Variants in MTR observed in about 807,000 individuals in gnomAD.
MTR encodes the protein 5-methyltetrahydrofolate-homocysteine methyltransferase.
In MTR, 84 loss-of-function variants were observed where a neutral mutation model predicts 154.8. The ratio of observed to expected loss-of-function variants is 0.54; its 90% CI spans 0.45 to 0.65. MTR has a LOEUF of 0.65. Among genes scored for constraint, MTR ranks in the 30% least tolerant of loss-of-function variants. The pLI is 0.00. For missense variants in MTR, 1,275 were observed against 1,570.2 expected (o/e 0.81, Z 3.18); for synonymous variants, 554 against 553.9 (o/e 1.00, Z 0.00).
rs1175134509 is a variant in MTR at position 236,899,683 on chromosome 1, TG to T, written c.*2040del. 6.6e-6 allele frequency: 1 copy of T among 152,186 alleles called. No homozygotes were observed. Among genetic ancestry groups the T allele is most frequent in the East Asian group, 1.9e-4 (1 of 5,196 alleles). 9.4% of individuals were successfully genotyped at this position (152,186 alleles called of 1,614,324 possible). A position where few individuals can be genotyped will look rare whatever the true frequency, so the allele number is the denominator to read the frequency against. ...TCAAGGCTTATATTAAGCAAACACT[TG>T]AAGTGAGAAGATGATCCACAACTTG... On this transcript the variant is annotated 3_prime_UTR_variant, in exon 33 of 33. Transcript: ENST00000366577.
At chr1:236,810,368 A>C in intron 4 of MTR, 135 bp from the exon 5 acceptor site, 1 of 774,146 alleles carries the variant, frequency 1.3e-6, no homozygotes, top group Non-Finnish European at 2.3e-6. Flanking sequence ...GGGCTTTTAG[A>C]GCTTTTTGGA....
chr1:236,853,867 G>A (rs1049279291), intron 18 of MTR, among the ~76,000 whole-genome samples: 3 of 152,168 alleles, frequency 2.0e-5, no homozygotes, highest in African/African-American at 4.8e-5. Flanking sequence ...TATGTTGGGC[G>A]CAGTCCTAGG....
rs1666955647 is a variant in MTR, at chr1:236,902,372, A to G, written c.*4728A>G. On this transcript the variant is annotated 3_prime_UTR_variant, in exon 33 of 33. Coordinates refer to ENST00000366577, the MANE Select transcript of MTR (RefSeq NM_000254.3). ...TTGCCTCTGTAACACCGCCATGCAC[A>G]TTTCATACAGCCCTTGCTGAAACTT... 1 of 151,908 alleles carries G rather than the reference A, an allele frequency of 6.6e-6. No homozygotes were observed. Among genetic ancestry groups the G allele is most frequent in the Non-Finnish European group, 1.5e-5 (1 of 68,000 alleles). 9.4% of individuals were successfully genotyped at this position (151,908 alleles called of 1,614,324 possible).
At chr1:236,838,351 T>C in intron 14 of MTR, 63 bp from the exon 15 acceptor site, 2 of 1,544,924 alleles carry the variant, frequency 1.3e-6, no homozygotes, top group South Asian at 2.2e-5. Context: ...CTTTGGAGCC[T>C]TTGAAAAGTA....
intron 22 of MTR, 62 bp downstream of exon 22, chr1:236,863,616 G>A: frequency 1.4e-6 from 2 of 1,418,506 alleles, no homozygotes; most frequent in South Asian, 1.2e-5. Flanking sequence ...CCTTTTAACA[G>A]AATAATTCTT....
chr1:236,826,941 T>C lies in MTR; in HGVS notation c.995+45T>C, dbSNP rs779093622. 10 of 1,529,362 alleles carry C rather than the reference T, an allele frequency of 6.5e-6. No individual in the cohort carries two copies. The South Asian group carries it at 1.0e-4, about 15-fold the overall frequency. 94.7% of individuals were successfully genotyped at this position (1,529,362 alleles called of 1,614,324 possible). A position where few individuals can be genotyped will look rare whatever the true frequency, so the allele number is the denominator to read the frequency against. ...AATATATCTAAAACCAAGTGGATAATCAGGTAATAATCTAAATATGTACTT... is the reference window on the plus strand; with the variant it reads ...AATATATCTAAAACCAAGTGGATAACCAGGTAATAATCTAAATATGTACTT... On this transcript the variant is annotated intron_variant, in intron 11 of 32. Coordinates refer to ENST00000366577, the MANE Select transcript of MTR (RefSeq NM_000254.3).
In MTR at chr1:236,795,470, G is replaced by A; in HGVS notation, c.-234G>A. The A allele has an allele frequency of 6.6e-7, 1 of 1,508,102 alleles. No homozygotes were observed. The highest frequency in any genetic ancestry group is 8.9e-7 in the Non-Finnish European group (1 of 1,128,682). The allele number at this position is 1,508,102 out of a possible 1,614,324, so 93.4% of individuals were successfully genotyped here. ...CAAGGACTGGCCGGGTACCCGGGAA[G>A]AAAGCACGTGCTCCAGCAGTTGCCG... On this transcript the variant is annotated 5_prime_UTR_variant, in exon 1 of 33. Transcript: ENST00000366577.
chr1:236,841,220 G>A lies in MTR; in HGVS notation c.1515+2621G>A, dbSNP rs187660958. ...TTTCACCATCCACTGCCCTGACTCT[G>A]TACAGCTTTACTTTTATCCTTCCCA... On this transcript the variant is annotated intron_variant, in intron 15 of 32. Transcript: ENST00000366577. 1.3e-3 allele frequency among the ~76,000 whole-genome samples: 193 copies of A among 152,190 alleles called. 3 individuals are homozygous for A. The South Asian group carries it at 0.016, about 12-fold the overall frequency.
chr1:236,887,984 C>A (rs1388469359), intron 27 of MTR, among the ~76,000 whole-genome samples: 1 of 152,132 alleles, frequency 6.6e-6, no homozygotes, highest in African/African-American at 2.4e-5. Context: ...GCTTTGTTAC[C>A]AACAAACCAA....
intron 8 of MTR, among the ~76,000 whole-genome samples, chr1:236,818,565 C>T (rs1439779014): frequency 3.3e-5 from 5 of 152,238 alleles, no homozygotes; most frequent in Non-Finnish European, 7.3e-5. Flanking sequence ...ATAATCCTTT[C>T]TATGACTTCA....
At position 236,880,641 on chromosome 1, in the gene MTR, A is replaced by C. The variant is rs887048016; in HGVS notation, c.2595-114A>C. The C allele has an allele frequency of 1.1e-5, 10 of 876,984 alleles. 2 individuals are homozygous for C. In the Admixed American group the frequency reaches 1.9e-4, roughly 17 times the overall value. The allele number at this position is 876,984 out of a possible 1,614,324, so 54.3% of individuals were successfully genotyped here. On this transcript the variant is annotated intron_variant, in intron 24 of 32. Coordinates refer to ENST00000366577, the MANE Select transcript of MTR (RefSeq NM_000254.3). ...AGTATTTGTAGGTAAGCACCTTGAA[A>C]TGTTTCTCTGGAAAGCACTGTAGAA... is the stretch of plus-strand genomic sequence containing the variant.
At chr1:236,822,326 T>TTTC (rs1265163180) in intron 8 of MTR, among the ~76,000 whole-genome samples, 1 of 150,708 alleles carries the variant, frequency 6.6e-6, no homozygotes, top group Non-Finnish European at 1.5e-5. Context: ...TTTTTTTTTT[T>TTTC]TGAGACAGCA....
intron 15 of MTR, among the ~76,000 whole-genome samples, chr1:236,850,142 C>T (rs188511673): frequency 2.6e-5 from 4 of 152,028 alleles, no homozygotes; most frequent in African/African-American, 9.7e-5. Flanking sequence ...GATAAGTGAT[C>T]GGAAGCTGCT....
At chr1:236,797,652 A>C (rs981036611) in intron 1 of MTR, among the ~76,000 whole-genome samples, 3 of 152,100 alleles carry the variant, frequency 2.0e-5, no homozygotes, top group Non-Finnish European at 4.4e-5. Context: ...GGAATACTGC[A>C]CAAGCAAAGA....
chr1:236,847,135 C>T (rs1207898361), intron 15 of MTR, among the ~76,000 whole-genome samples: 3 of 152,100 alleles, frequency 2.0e-5, no homozygotes, highest in Non-Finnish European at 4.4e-5. Context: ...GATCCACCTG[C>T]CTCAGCCTCC....
At chr1:236,896,961 T>C (rs1404744148) in intron 31 of MTR, 45 bp from the exon 32 acceptor site, 14 of 1,421,650 alleles carry the variant, frequency 9.8e-6, no homozygotes, top group Non-Finnish European at 1.4e-5. Flanking sequence ...GGCCCTGTGC[T>C]AGACACTGAG....
intron 15 of MTR, 122 bp downstream of exon 15, chr1:236,838,721 C>T: frequency 1.0e-6 from 1 of 983,632 alleles, no homozygotes; most frequent in East Asian, 2.6e-5. Flanking sequence ...TTTCCATATA[C>T]ATTCATGTAC....
In MTR at chr1:236,835,586, G is replaced by A; in HGVS notation, c.1228G>A (p.Ala410Thr). ...TGCCAAAGTGCAGGTGGAAATGGGA[G>A]CCCAGGTGTTGGATGTCAACATGGA... ...CVAKVQVEMG[A>T]QVLDVNMDDG... is the part of the protein sequence containing the mutation. Residue 410 changes from alanine (A) to threonine (T), a missense_variant, in exon 14 of 33, where the codon GCC becomes ACC. Physicochemically the swap from Ala to Thr is moderately conservative, Grantham distance 58 (BLOSUM62 0). Transcript: ENST00000366577. 1 of 1,611,344 alleles carries A rather than the reference G, an allele frequency of 6.2e-7. No homozygotes were observed. The highest frequency in any genetic ancestry group is 1.7e-5 in the Admixed American group (1 of 59,560).
intron 32 of MTR, among the ~76,000 whole-genome samples, 192 bp downstream of exon 32, chr1:236,897,310 G>GCGCACGCGCACACACACACA: frequency 1.6e-5 from 2 of 128,614 alleles, no homozygotes; most frequent in South Asian, 2.7e-4. Context: ...CCACACACAC[G>GCGCACGCGCACACACACACA]CACACACACA....
Sources: gnomAD v4.1 joint callset for allele counts (sites outside exome capture counted in the v4.1 genomes callset) on GRCh38, gnomAD v4.1.1 for gene constraint, MANE v1.5 for transcripts, NCBI Gene and HGNC (gene_info 2026-07-23, HGNC 2026-07-21) for gene names.